The following LDAH variants were observed in gnomAD, a reference collection of about 807,000 sequenced individuals.
LDAH encodes the protein lipid droplet-associated hydrolase.
Under a neutral mutation model 29.6 loss-of-function variants are expected in LDAH, and 26 were observed. That is an observed-to-expected ratio of 0.88 (90% CI 0.64 to 1.22). The LOEUF (loss-of-function observed/expected upper bound fraction) is 1.22, where lower values mean the gene tolerates loss of function less well. LDAH is among the 50% of genes most tolerant of loss of function. LDAH has a pLI of 0.00. For missense variants in LDAH, 344 were observed against 387.3 expected, an observed-to-expected ratio of 0.89 and a Z score of 0.94; for synonymous variants, 117 against 133.0, an observed-to-expected ratio of 0.88 and a Z score of 0.83.
At chr2:20,764,186 T>TGTGC (rs1553349894) in intron 4 of LDAH, among the ~76,000 whole-genome samples, 1 of 152,102 alleles carries the variant, frequency 6.6e-6, no homozygotes, top group African/African-American at 2.4e-5. Flanking sequence ...AATGTGTGTG[T>TGTGC]GTGCGCACAA....
intron 1 of LDAH, among the ~76,000 whole-genome samples, chr2:20,812,000 C>T: frequency 6.6e-6 from 1 of 151,928 alleles, no homozygotes; most frequent in Non-Finnish European, 1.5e-5. Flanking sequence ...GGGAAAGGGG[C>T]AGAGATGACA....
chr2:20,801,468 A>T lies in LDAH; in HGVS notation c.-2-3T>A, dbSNP rs1671659572. ...TTCCTTGAGTTCTGAGTCCATTTCT[A>T]AATAAGGGGAGAAAAGTAGTATGAA... On this transcript the variant is annotated splice_polypyrimidine_tract_variant and splice_region_variant and intron_variant, in intron 1 of 6. Coordinates refer to ENST00000237822, the MANE Select transcript of LDAH (RefSeq NM_021925.4). 1.2e-6 allele frequency: 2 copies of T among 1,612,480 alleles called. No homozygotes were observed. The highest frequency in any genetic ancestry group is 2.2e-5 in the South Asian group (2 of 90,946).
intron 4 of LDAH, among the ~76,000 whole-genome samples, chr2:20,746,945 C>T (rs1194450083): frequency 6.6e-6 from 1 of 152,000 alleles, no homozygotes; most frequent in Non-Finnish European, 1.5e-5. Context: ...GGTAAATATG[C>T]ACACTGGGAA....
chr2:20,714,541 C>A (rs924010605), intron 5 of LDAH, among the ~76,000 whole-genome samples: 7 of 152,092 alleles, frequency 4.6e-5, no homozygotes, highest in Non-Finnish European at 8.8e-5. Flanking sequence ...CAGAGCAGAA[C>A]TGAAAGAGGT....
intron 4 of LDAH, among the ~76,000 whole-genome samples, chr2:20,774,503 G>T (rs542735637): frequency 6.6e-6 from 1 of 152,136 alleles, no homozygotes; most frequent in Admixed American, 6.5e-5. Context: ...CCTAGTGACC[G>T]CTCTTAAATA....
chr2:20,772,587 T>C (rs1371473687), intron 4 of LDAH, among the ~76,000 whole-genome samples: 1 of 152,214 alleles, frequency 6.6e-6, no homozygotes, highest in Non-Finnish European at 1.5e-5. Flanking sequence ...CTTGTGTAAT[T>C]ATCTCTCCTT....
At chr2:20,747,213 T>C (rs1667629959) in intron 4 of LDAH, among the ~76,000 whole-genome samples, 1 of 152,054 alleles carries the variant, frequency 6.6e-6, no homozygotes, top group Admixed American at 6.6e-5. Flanking sequence ...TACAGATGCA[T>C]CCATTTTTCT....
chr2:20,707,631 AG>A (rs1035174701), intron 5 of LDAH, among the ~76,000 whole-genome samples: 1 of 152,228 alleles, frequency 6.6e-6, no homozygotes, highest in Non-Finnish European at 1.5e-5. Flanking sequence ...AGCTAGGTGC[AG>A]ATCAGCACAA....
intron 4 of LDAH, among the ~76,000 whole-genome samples, chr2:20,768,335 C>T (rs1669180354): frequency 6.6e-6 from 1 of 152,180 alleles, no homozygotes; most frequent in African/African-American, 2.4e-5. Flanking sequence ...CTTGTGGTTC[C>T]TGGAGTCTCT....
At chr2:20,765,651 G>A (rs1324472462) in intron 4 of LDAH, among the ~76,000 whole-genome samples, 3 of 152,168 alleles carry the variant, frequency 2.0e-5, no homozygotes, top group Non-Finnish European at 4.4e-5. Flanking sequence ...TGCATTCAGT[G>A]GCGGATGGGC....
At chr2:20,744,615 T>TG (rs1401261286) in intron 4 of LDAH, among the ~76,000 whole-genome samples, 1 of 152,186 alleles carries the variant, frequency 6.6e-6, no homozygotes, top group Non-Finnish European at 1.5e-5. Context: ...TAATTTCTCC[T>TG]GGGGGCAGAC....
intron 2 of LDAH, among the ~76,000 whole-genome samples, chr2:20,799,364 A>T: frequency 6.6e-6 from 1 of 152,204 alleles, no homozygotes. Context: ...TTTTAAAGAT[A>T]TTGATATTTA....
rs1199534961 is a variant in LDAH, at chr2:20,718,322, A to G, written c.704-16670T>C. On this transcript the variant is annotated intron_variant, in intron 5 of 6. Coordinates refer to ENST00000237822, the MANE Select transcript of LDAH (RefSeq NM_021925.4). ...AGTAAAAGTGAAGAGATGGAAAAAG[A>G]TACTCCATGCAAATGGAACTTTAAA... 5.3e-5 allele frequency among the ~76,000 whole-genome samples: 8 copies of G among 152,190 alleles called. No homozygotes were observed. In the East Asian group the frequency reaches 1.5e-3, roughly 29 times the overall value.
rs932796505 is a variant in LDAH, at chr2:20,740,127, A to C, written c.547T>G (p.Leu183Val). 9.3e-6 allele frequency: 15 copies of C among 1,614,034 alleles called. No individual in the cohort carries two copies. Among genetic ancestry groups the C allele is most frequent in the Admixed American group, 5.0e-5 (3 of 59,998 alleles). Residue 183 changes from leucine to valine, a missense_variant, in exon 5 of 7, where the codon TTG (leucine) becomes GTG (valine). Coordinates refer to ENST00000237822, the MANE Select transcript of LDAH (RefSeq NM_021925.4). The stretch of plus-strand genomic sequence containing the variant: ...TAGAGAACATATCGAAACCAGCACA[A>C]AAGTGGAGTGGCAATTCTGCCATTG... ...SPNGRIATPL[L>V]CWFRYVLYVT...
chr2:20,809,842 C>T (rs1291057178), intron 1 of LDAH, among the ~76,000 whole-genome samples: 1 of 152,178 alleles, frequency 6.6e-6, no homozygotes, highest in East Asian at 1.9e-4. Context: ...AATACCGAAG[C>T]TGTCCTACTG....
At chr2:20,722,589 A>G (rs1665734963) in intron 5 of LDAH, among the ~76,000 whole-genome samples, 1 of 152,166 alleles carries the variant, frequency 6.6e-6, no homozygotes, top group African/African-American at 2.4e-5. Flanking sequence ...GCTAGAAGAG[A>G]AGAATTGTAA....
At position 20,685,130 on chromosome 2, in the gene LDAH, T is replaced by C; in HGVS notation, c.*1773A>G. The C allele has an allele frequency of 1.6e-6, 1 of 610,816 alleles. No individual in the cohort carries two copies. The highest frequency in any genetic ancestry group is 2.6e-6 in the Non-Finnish European group (1 of 387,724). 37.8% of individuals were successfully genotyped at this position (610,816 alleles called of 1,614,324 possible). On this transcript the variant is annotated 3_prime_UTR_variant, in exon 7 of 7. Transcript: ENST00000237822. Reference sequence around the variant, plus strand: ...AAATAGGAATTAAGAATGAGTATCTTTCTTAGGCTCTAAAAACCAGAAATA... The same window carrying C: ...AAATAGGAATTAAGAATGAGTATCTCTCTTAGGCTCTAAAAACCAGAAATA...
chr2:20,798,575 TATAATATAATATAC>T (rs1671463328), intron 2 of LDAH, among the ~76,000 whole-genome samples: 1 of 148,466 alleles, frequency 6.7e-6, no homozygotes, highest in Non-Finnish European at 1.5e-5. Flanking sequence ...ATTAATATAA[TATAATATAATATAC>T]ATAATATAAT....
chr2:20,704,023 T>C (rs989784308), intron 5 of LDAH, among the ~76,000 whole-genome samples: 5 of 152,184 alleles, frequency 3.3e-5, no homozygotes, highest in African/African-American at 9.7e-5. Flanking sequence ...AGAGGTGGCC[T>C]ATTTTATGTA....
Sources: allele counts gnomAD v4.1 joint callset (sites outside exome capture counted in the v4.1 genomes callset), GRCh38; gene constraint gnomAD v4.1.1; transcripts MANE v1.5; gene names NCBI Gene and HGNC (gene_info 2026-07-23, HGNC 2026-07-21).